The following TRHDE variants were observed in gnomAD, a reference collection of about 807,000 sequenced individuals.
TRHDE encodes thyrotropin releasing hormone degrading enzyme.
Under a neutral mutation model 125.7 loss-of-function variants are expected in TRHDE, and 72 were observed. The ratio of observed to expected loss-of-function variants is 0.57; its 90% CI spans 0.47 to 0.70. The LOEUF (loss-of-function observed/expected upper bound fraction) is 0.70, where lower values mean the gene tolerates loss of function less well. Among genes scored for constraint, TRHDE ranks in the 30% least tolerant of loss-of-function variants. TRHDE has a pLI of 0.00. For missense variants in TRHDE, 1,110 were observed against 1,327.1 expected, an observed-to-expected ratio of 0.84 and a Z score of 2.54; for synonymous variants, 509 against 509.1, an observed-to-expected ratio of 1.00 and a Z score of 0.00.
intron 2 of TRHDE, among the ~76,000 whole-genome samples, chr12:72,377,427 G>A (rs1871938928): frequency 6.6e-6 from 1 of 151,840 alleles, no homozygotes; most frequent in Non-Finnish European, 1.5e-5. Flanking sequence ...AGGAGCAGTT[G>A]CAGACAGCCT....
intron 2 of TRHDE, among the ~76,000 whole-genome samples, chr12:72,350,293 A>G (rs1870523471): frequency 6.6e-6 from 1 of 152,014 alleles, no homozygotes; most frequent in Admixed American, 6.6e-5. Context: ...CATTTGGTGG[A>G]CGGTCATGCC....
chr12:72,273,984 C>A lies in TRHDE; in HGVS notation c.914+427C>A. 1 of 181,694 alleles carries A rather than the reference C, an allele frequency of 5.5e-6. No individual in the cohort carries two copies. Among genetic ancestry groups the A allele is most frequent in the Non-Finnish European group, 1.2e-5 (1 of 84,992 alleles). The allele number at this position is 181,694 out of a possible 1,614,324, so 11.3% of individuals were successfully genotyped here. ...CAACAGCGCATCCAGGTTAGCATGTCAGGGCAGGTCAGGGACACACCGTTC... is the reference window on the plus strand; with the variant it reads ...CAACAGCGCATCCAGGTTAGCATGTAAGGGCAGGTCAGGGACACACCGTTC... On this transcript the variant is annotated intron_variant, in intron 1 of 18. Coordinates refer to ENST00000261180, the MANE Select transcript of TRHDE (RefSeq NM_013381.3). The surrounding 1 kb of genome is among the most constrained non-coding windows in gnomAD (Gnocchi z 5.3).
At chr12:72,245,612 C>G (rs756578930) in intron 2 of TRHDE, among the ~76,000 whole-genome samples, 1 of 152,006 alleles carries the variant, frequency 6.6e-6, no homozygotes, top group Non-Finnish European at 1.5e-5. Context: ...ACAAAAGGTT[C>G]ACCTTTACTT....
intron 2 of TRHDE, among the ~76,000 whole-genome samples, chr12:72,301,474 T>G (rs1001487118): frequency 1.6e-4 from 24 of 152,114 alleles, no homozygotes; most frequent in African/African-American, 5.8e-4. Flanking sequence ...AACTGAGAAT[T>G]TAGGGATCCT....
chr12:72,286,812 T>C lies in TRHDE; in HGVS notation c.1046T>C (p.Met349Thr). Residue 349 changes from methionine to threonine, a missense_variant, in exon 2 of 19, where the codon ATG (methionine) becomes ACG (threonine). Transcript: ENST00000261180. The stretch of plus-strand genomic sequence containing the variant: ...GCAACCTATTTATCTTTATCTAATA[T>C]GCCAGTGGAAACTTCCGTGTTTGAG... ...HQATYLSLSN[M>T]PVETSVFEED... is the part of the protein sequence containing the mutation. 6.2e-7 allele frequency: 1 copy of C among 1,613,970 alleles called. No homozygotes were observed. The highest frequency in any genetic ancestry group is 1.1e-5 in the South Asian group (1 of 91,050).
At chr12:72,309,807 G>A (rs1343698668) in intron 2 of TRHDE, 1 of 152,138 alleles carries the variant, frequency 6.6e-6, no homozygotes, top group Non-Finnish European at 1.5e-5. Context: ...GAAGTTGAAT[G>A]CTTGTAATAG....
chr12:72,327,040 G>T (rs959708396), intron 2 of TRHDE, among the ~76,000 whole-genome samples: 2 of 152,030 alleles, frequency 1.3e-5, no homozygotes, highest in African/African-American at 4.8e-5. Flanking sequence ...GCAGTTTGGA[G>T]GAAGATATAA....
chr12:72,443,680 TG>T (rs1875133660), intron 3 of TRHDE, among the ~76,000 whole-genome samples: 1 of 151,796 alleles, frequency 6.6e-6, no homozygotes, highest in South Asian at 2.1e-4. Context: ...TGTGACAATA[TG>T]GTCAGGAAGA....
intron 12 of TRHDE, among the ~76,000 whole-genome samples, chr12:72,592,662 A>G (rs377327775): frequency 1.4e-5 from 2 of 147,230 alleles, no homozygotes; most frequent in East Asian, 3.9e-4. Context: ...CAGCTCTAGT[A>G]TTAGTTAAGG....
chr12:72,642,635 A>G (rs1874112367), intron 15 of TRHDE, among the ~76,000 whole-genome samples: 1 of 152,144 alleles, frequency 6.6e-6, no homozygotes, highest in Non-Finnish European at 1.5e-5. Context: ...CTAGAGAAAA[A>G]CAAACACAGT....
At chr12:72,556,257 C>T (rs1009101758) in intron 7 of TRHDE, among the ~76,000 whole-genome samples, 1 of 152,138 alleles carries the variant, frequency 6.6e-6, no homozygotes, top group African/African-American at 2.4e-5. Flanking sequence ...TTTTGCTTAA[C>T]CCATTAGGGT....
intron 2 of TRHDE, among the ~76,000 whole-genome samples, chr12:72,344,980 T>C (rs1007666060): frequency 2.6e-5 from 4 of 152,142 alleles, no homozygotes; most frequent in African/African-American, 9.6e-5. Flanking sequence ...GTTTAACAAC[T>C]AGCTCTCTGA....
At chr12:72,495,368 T>C (rs955530747) in intron 5 of TRHDE, among the ~76,000 whole-genome samples, 1 of 151,992 alleles carries the variant, frequency 6.6e-6, no homozygotes, top group African/African-American at 2.4e-5. Flanking sequence ...ACTGCCTATT[T>C]ATTAAGACCA....
At chr12:72,171,685 A>AT (rs1876878248) in intron 2 of TRHDE, among the ~76,000 whole-genome samples, 1 of 152,202 alleles carries the variant, frequency 6.6e-6, no homozygotes, top group East Asian at 1.9e-4. Context: ...TGCAGAACTG[A>AT]GTGGGACCAG....
chr12:72,619,543 G>C (rs1872959926), intron 13 of TRHDE, among the ~76,000 whole-genome samples: 1 of 152,106 alleles, frequency 6.6e-6, no homozygotes, highest in Non-Finnish European at 1.5e-5. Flanking sequence ...GCAAACAACA[G>C]ACAATCCAAA....
chr12:72,516,351 G>T (rs906908625), intron 6 of TRHDE, among the ~76,000 whole-genome samples: 1 of 152,062 alleles, frequency 6.6e-6, no homozygotes, highest in African/African-American at 2.4e-5. Context: ...TCTTGAAGAG[G>T]TCCTTCACAT....
chr12:72,280,002 A>G lies in TRHDE; in HGVS notation c.914+6445A>G, dbSNP rs115533721. ...TTTTTACATCTTTTAAAAATAGATTATTTTTAAAAATCTTATATCTTTTAA... is the reference window on the plus strand; with the variant it reads ...TTTTTACATCTTTTAAAAATAGATTGTTTTTAAAAATCTTATATCTTTTAA... On this transcript the variant is annotated intron_variant, in intron 1 of 18. Coordinates refer to ENST00000261180, the MANE Select transcript of TRHDE (RefSeq NM_013381.3). 6.2e-3 allele frequency among the ~76,000 whole-genome samples: 937 copies of G among 152,310 alleles called. 13 individuals carry two copies. The highest frequency in any genetic ancestry group is 0.021 in the African/African-American group (890 of 41,562).
intron 5 of TRHDE, among the ~76,000 whole-genome samples, chr12:72,488,368 A>G (rs1877509554): frequency 6.6e-6 from 1 of 152,060 alleles, no homozygotes; most frequent in Non-Finnish European, 1.5e-5. Context: ...CTATACTTAT[A>G]TCTGATAAAA....
intron 2 of TRHDE, among the ~76,000 whole-genome samples, chr12:72,291,404 C>T (rs1281787731): frequency 1.3e-5 from 2 of 152,222 alleles, no homozygotes; most frequent in African/African-American, 2.4e-5. Context: ...TGAATGGCCG[C>T]TCCCTGTGAA....
Sources: allele counts gnomAD v4.1 joint callset (sites outside exome capture counted in the v4.1 genomes callset), GRCh38; gene constraint gnomAD v4.1.1; non-coding constraint Gnocchi (gnomAD v3.1); transcripts MANE v1.5; gene names NCBI Gene and HGNC (gene_info 2026-07-23, HGNC 2026-07-21).